Variants in RPS6KC1 observed in about 807,000 individuals in gnomAD.
The protein encoded by RPS6KC1 is inactive ribosomal protein S6 kinase delta-1.
RPS6KC1 carries 54 observed loss-of-function variants against 103.8 expected under a neutral mutation model. The ratio of observed to expected loss-of-function variants is 0.52; its 90% CI spans 0.42 to 0.65. The LOEUF is 0.65. Among genes scored for constraint, RPS6KC1 ranks in the 30% least tolerant of loss-of-function variants. The pLI is 0.00. For synonymous variants in RPS6KC1, 439 were observed against 438.7 expected (o/e 1.00, Z -0.01); for missense variants, 1,151 against 1,253.8 (o/e 0.92, Z 1.24).
chr1:213,061,454 C>T (rs1014136833), intron 1 of RPS6KC1, among the ~76,000 whole-genome samples: 4 of 152,142 alleles, frequency 2.6e-5, no homozygotes, highest in African/African-American at 4.8e-5. Context: ...CAACCAGTGC[C>T]ACCTGTGGCT....
At chr1:213,717,370 A>G in the RPS6KC1 span, among the ~76,000 whole-genome samples, 1 of 152,246 alleles carries the variant, frequency 6.6e-6, no homozygotes, top group African/African-American at 2.4e-5. Context: ...AAGGATAAAT[A>G]AAAGTTGACA....
chr1:213,116,001 G>T (rs1376664552), intron 4 of RPS6KC1, among the ~76,000 whole-genome samples: 1 of 152,022 alleles, frequency 6.6e-6, no homozygotes, highest in African/African-American at 2.4e-5. Flanking sequence ...AATAGGTGTG[G>T]TGTGGTGCTG....
chr1:213,264,579 T>C (rs962822757), intron 14 of RPS6KC1, among the ~76,000 whole-genome samples: 4 of 152,174 alleles, frequency 2.6e-5, no homozygotes, highest in African/African-American at 7.2e-5. Context: ...GCTTAAGATA[T>C]GGTAAGTCCC....
the RPS6KC1 span, among the ~76,000 whole-genome samples, chr1:213,540,545 T>TTGCCATGTTGCCGACGTGGGTC: frequency 2.6e-5 from 4 of 152,144 alleles, no homozygotes; most frequent in African/African-American, 9.7e-5. Context: ...GAGATGGGGT[T>TTGCCATGTTGCCGACGTGGGTC]TTGCCATGTT....
At chr1:213,422,148 CTG>C in the RPS6KC1 span, among the ~76,000 whole-genome samples, 1 of 152,198 alleles carries the variant, frequency 6.6e-6, no homozygotes, top group Non-Finnish European at 1.5e-5. Flanking sequence ...AATGGAAACT[CTG>C]TACCCGTTAA....
the RPS6KC1 span, among the ~76,000 whole-genome samples, chr1:213,547,000 C>T: frequency 1.3e-5 from 2 of 152,300 alleles, no homozygotes; most frequent in South Asian, 2.1e-4. Flanking sequence ...TTAGGTTCCT[C>T]TCCACTGTGA....
At chr1:213,703,351 A>G in the RPS6KC1 span, among the ~76,000 whole-genome samples, 20,058 of 152,068 alleles carry the variant, frequency 0.13, 1,427 homozygotes, top group Middle Eastern at 0.19. Context: ...ATGGTTCATT[A>G]TTTAGTTTTT....
chr1:213,862,311 C>A, the RPS6KC1 span, among the ~76,000 whole-genome samples: 1 of 152,172 alleles, frequency 6.6e-6, no homozygotes, highest in Non-Finnish European at 1.5e-5. Context: ...TCCTTCCAGG[C>A]CCAATATTTA....
At chr1:213,458,281 T>C in the RPS6KC1 span, among the ~76,000 whole-genome samples, 1 of 152,218 alleles carries the variant, frequency 6.6e-6, no homozygotes, top group Admixed American at 6.5e-5. Flanking sequence ...TTAATTCGCT[T>C]AGGATAATGG....
chr1:213,784,543 A>G, the RPS6KC1 span, among the ~76,000 whole-genome samples: 47,624 of 152,104 alleles, frequency 0.31, 11,164 homozygotes, highest in African/African-American at 0.64. Context: ...GAGGATTAAG[A>G]TGAACCCTTA....
chr1:213,727,980 C>T, the RPS6KC1 span, among the ~76,000 whole-genome samples: 4 of 152,066 alleles, frequency 2.6e-5, no homozygotes, highest in African/African-American at 9.7e-5. Context: ...ATCTATCAGA[C>T]TCAGGAGAAT....
intron 5 of RPS6KC1, among the ~76,000 whole-genome samples, chr1:213,118,941 T>C (rs1208400394): frequency 6.6e-6 from 1 of 152,142 alleles, no homozygotes; most frequent in Non-Finnish European, 1.5e-5. Context: ...TGACCTATTT[T>C]AATCAGAGAT....
chr1:213,404,472 C>T, the RPS6KC1 span, among the ~76,000 whole-genome samples: 2 of 152,206 alleles, frequency 1.3e-5, no homozygotes, highest in African/African-American at 4.8e-5. Context: ...TTCATTCTTA[C>T]ATTCCTCCTC....
chr1:213,473,928 G>A, the RPS6KC1 span, among the ~76,000 whole-genome samples: 1 of 152,178 alleles, frequency 6.6e-6, no homozygotes, highest in African/African-American at 2.4e-5. Context: ...TGCCTGAGTG[G>A]ATAATGAAGG....
At chr1:213,482,540 GTTTTTTT>G in the RPS6KC1 span, among the ~76,000 whole-genome samples, 3 of 61,200 alleles carry the variant, frequency 4.9e-5, no homozygotes, top group East Asian at 4.5e-4. Flanking sequence ...CTAACTTGAG[GTTTTTTT>G]TTTTTTTTTT....
chr1:213,236,133 T>G lies in RPS6KC1; in HGVS notation c.1225+3878T>G, dbSNP rs565446451. Among the ~76,000 whole-genome samples the G allele has an allele frequency of 8.5e-5, 13 of 152,284 alleles. No homozygotes were observed. In the South Asian group the frequency reaches 2.7e-3, roughly 32 times the overall value. On this transcript the variant is annotated intron_variant, in intron 10 of 14. Coordinates refer to ENST00000366960, the MANE Select transcript of RPS6KC1 (RefSeq NM_012424.6). ...AGGTTGCACACTCCTTATGGGAATCTAATGCCTGATGATCTGAGGTGGAAC... is the reference window on the plus strand; with the variant it reads ...AGGTTGCACACTCCTTATGGGAATCGAATGCCTGATGATCTGAGGTGGAAC...
the RPS6KC1 span, among the ~76,000 whole-genome samples, chr1:213,629,691 C>T: frequency 3.3e-5 from 5 of 152,306 alleles, no homozygotes; most frequent in East Asian, 5.8e-4. Flanking sequence ...ACGGTCTTTA[C>T]AATTTGGCAT....
chr1:213,249,204 A>C (rs2094502662), intron 12 of RPS6KC1, among the ~76,000 whole-genome samples: 1 of 152,218 alleles, frequency 6.6e-6, no homozygotes, highest in Admixed American at 6.5e-5. Flanking sequence ...ATTATAAAGA[A>C]GAAAGTGAAC....
At chr1:213,364,912 C>T in the RPS6KC1 span, among the ~76,000 whole-genome samples, 59 of 151,862 alleles carry the variant, frequency 3.9e-4, no homozygotes, top group Non-Finnish European at 7.4e-4. Context: ...AAGCCGAGAT[C>T]GCACCACTGC....
Sources: allele counts gnomAD v4.1 joint callset (sites outside exome capture counted in the v4.1 genomes callset), GRCh38; gene constraint gnomAD v4.1.1; transcripts MANE v1.5; gene names NCBI Gene and HGNC (gene_info 2026-07-23, HGNC 2026-07-21).